CTNNA3: variants seen among roughly 807,000 people sequenced by gnomAD.
The protein encoded by CTNNA3 is catenin alpha-3.
A neutral mutation model predicts 95.7 loss-of-function variants in CTNNA3; 76 were observed. That is an observed-to-expected ratio of 0.79 (90% CI 0.66 to 0.96). CTNNA3 has a LOEUF of 0.96. Ranked by LOEUF, CTNNA3 falls within the 40% of genes least tolerant of loss-of-function variation. CTNNA3 has a pLI of 0.00. For missense variants in CTNNA3, 1,191 were observed against 1,089.8 expected (o/e 1.09, Z -1.31); for synonymous variants, 431 against 374.4 (o/e 1.15, Z -1.74).
chr10:67,186,572 C>T (rs1482811446), intron 6 of CTNNA3, among the ~76,000 whole-genome samples: 3 of 152,102 alleles, frequency 2.0e-5, no homozygotes, highest in Non-Finnish European at 4.4e-5. Flanking sequence ...AATAAAAAGG[C>T]AAGAATTTTT....
At chr10:65,944,929 C>A (rs182986921) in intron 17 of CTNNA3, among the ~76,000 whole-genome samples, 1 of 150,390 alleles carries the variant, frequency 6.6e-6, no homozygotes, top group African/African-American at 2.5e-5. Context: ...TATCATCTAT[C>A]TATAAATATC....
chr10:67,041,720 C>T (rs1434853761), intron 7 of CTNNA3, among the ~76,000 whole-genome samples: 1 of 152,102 alleles, frequency 6.6e-6, no homozygotes, highest in African/African-American at 2.4e-5. Context: ...AAATTGAGTT[C>T]TTACCATGAG....
chr10:66,858,291 G>C (rs78398879), intron 7 of CTNNA3, among the ~76,000 whole-genome samples: 1 of 151,914 alleles, frequency 6.6e-6, no homozygotes, highest in Non-Finnish European at 1.5e-5. Context: ...ATTTGTTGTT[G>C]GGTTTGGTTT....
intron 9 of CTNNA3, among the ~76,000 whole-genome samples, chr10:66,674,666 T>A (rs1433305356): frequency 6.6e-6 from 1 of 152,054 alleles, no homozygotes; most frequent in Non-Finnish European, 1.5e-5. Context: ...ATTTCATTTG[T>A]TCTAATTCCC....
chr10:66,331,759 G>T (rs2092333628), intron 12 of CTNNA3, among the ~76,000 whole-genome samples: 1 of 151,886 alleles, frequency 6.6e-6, no homozygotes, highest in South Asian at 2.1e-4. Flanking sequence ...TTGTTCTTTT[G>T]GCTTAGGATT....
intron 11 of CTNNA3, among the ~76,000 whole-genome samples, chr10:66,474,636 T>C (rs1839257563): frequency 6.6e-6 from 1 of 152,058 alleles, no homozygotes; most frequent in Admixed American, 6.6e-5. Context: ...TTTTTCATAA[T>C]GGCTGTACTA....
At chr10:66,109,202 G>A (rs1049010097) in intron 13 of CTNNA3, among the ~76,000 whole-genome samples, 2 of 152,174 alleles carry the variant, frequency 1.3e-5, no homozygotes, top group Non-Finnish European at 2.9e-5. Flanking sequence ...GGTTACATGG[G>A]CTGGGACAAT....
rs556552394 is a variant in CTNNA3, at chr10:67,571,014, T to A, written c.293-31345A>T. 4.0e-4 allele frequency among the ~76,000 whole-genome samples: 61 copies of A among 152,314 alleles called. No homozygotes were observed. The Middle Eastern group carries it at 0.014, about 34-fold the overall frequency. On this transcript the variant is annotated intron_variant, in intron 3 of 17. Coordinates refer to ENST00000433211, the MANE Select transcript of CTNNA3 (RefSeq NM_013266.4). ...GCTGGGGCATCCTTACAAAATTTTTTAGTCAAACAGTAACAGGACTAAGTC... is the reference window on the plus strand; with the variant it reads ...GCTGGGGCATCCTTACAAAATTTTTAAGTCAAACAGTAACAGGACTAAGTC...
intron 7 of CTNNA3, among the ~76,000 whole-genome samples, chr10:66,909,313 G>A (rs1310104511): frequency 1.3e-5 from 2 of 151,940 alleles, no homozygotes; most frequent in Non-Finnish European, 2.9e-5. Context: ...CTGGGAGTTC[G>A]AGACCAGCCA....
intron 9 of CTNNA3, among the ~76,000 whole-genome samples, chr10:66,701,289 C>A (rs1847934004): frequency 6.6e-6 from 1 of 152,114 alleles, no homozygotes; most frequent in South Asian, 2.1e-4. Context: ...TGAAATCAGG[C>A]AGTCTTAGTC....
chr10:67,340,747 T>A (rs760504037), intron 5 of CTNNA3, among the ~76,000 whole-genome samples: 1 of 152,258 alleles, frequency 6.6e-6, no homozygotes, highest in South Asian at 2.1e-4. Context: ...CAATTTTACA[T>A]AAGATGTGGC....
chr10:66,654,116 T>A (rs1204702923), intron 9 of CTNNA3, among the ~76,000 whole-genome samples: 1 of 152,062 alleles, frequency 6.6e-6, no homozygotes, highest in Non-Finnish European at 1.5e-5. Context: ...GGGATTACAT[T>A]ATGCTAAAAA....
intron 1 of CTNNA3, among the ~76,000 whole-genome samples, chr10:67,672,298 A>AT (rs1840452386): frequency 6.6e-6 from 1 of 151,894 alleles, no homozygotes; most frequent in African/African-American, 2.4e-5. Flanking sequence ...ATTTTCTCCC[A>AT]TTTTGTGGGT....
rs535199640 is a variant in CTNNA3 at position 66,636,704 on chromosome 10, G to T, written c.1282-14920C>A. ...GTCTTCTCTATACTTATTTATGATT[G>T]ATCTCTTTACAGAGGCCTAAAGACA... is the stretch of plus-strand genomic sequence containing the variant. On this transcript the variant is annotated intron_variant, in intron 9 of 17. Coordinates refer to ENST00000433211, the MANE Select transcript of CTNNA3 (RefSeq NM_013266.4). Among the ~76,000 whole-genome samples the T allele has an allele frequency of 6.6e-5, 10 of 152,058 alleles. No homozygotes were observed. The East Asian group carries it at 1.9e-3, about 29-fold the overall frequency.
intron 7 of CTNNA3, among the ~76,000 whole-genome samples, chr10:67,105,446 A>G (rs924483297): frequency 1.3e-5 from 2 of 152,150 alleles, no homozygotes; most frequent in Admixed American, 1.3e-4. Context: ...CTTCAACCAT[A>G]TGAGTAATTA....
intron 5 of CTNNA3, among the ~76,000 whole-genome samples, chr10:67,341,473 CACTTA>C (rs1842188572): frequency 6.6e-6 from 1 of 152,170 alleles, no homozygotes; most frequent in African/African-American, 2.4e-5. Flanking sequence ...TTGCTTATTT[CACTTA>C]ACTTAATGAT....
Position 67,437,482 on chromosome 10 carries a change from A to G in CTNNA3, c.579+84360T>C, listed in dbSNP as rs1846342442. On this transcript the variant is annotated intron_variant, in intron 5 of 17. Transcript: ENST00000433211. The stretch of plus-strand genomic sequence containing the variant: ...CAATAAATTTAATAAATACCCCAAT[A>G]AATTTAATAAATACCCCAATAAATT... Among the ~76,000 whole-genome samples, 10 of 152,252 alleles carry G rather than the reference A, an allele frequency of 6.6e-5. No homozygotes were observed. The South Asian group carries it at 2.1e-3, about 32-fold the overall frequency.
At chr10:66,331,996 T>A (rs946935426) in intron 12 of CTNNA3, among the ~76,000 whole-genome samples, 15 of 152,054 alleles carry the variant, frequency 9.9e-5, no homozygotes, top group Non-Finnish European at 2.1e-4. Flanking sequence ...TATTTTATTC[T>A]CTTTGAAGCA....
intron 7 of CTNNA3, among the ~76,000 whole-genome samples, chr10:67,024,950 A>G (rs1853262762): frequency 6.6e-6 from 1 of 151,830 alleles, no homozygotes; most frequent in Non-Finnish European, 1.5e-5. Context: ...GACCAACAAG[A>G]AGACACCCTG....
Sources: allele counts gnomAD v4.1 joint callset (sites outside exome capture counted in the v4.1 genomes callset), GRCh38; gene constraint gnomAD v4.1.1; transcripts MANE v1.5; gene names NCBI Gene and HGNC (gene_info 2026-07-23, HGNC 2026-07-21).